EPB41L3: variants seen among roughly 807,000 people sequenced by gnomAD.
EPB41L3 encodes band 4.1-like protein 3.
A neutral mutation model predicts 127.1 loss-of-function variants in EPB41L3; 57 were observed. That is an observed-to-expected ratio of 0.45 (90% CI 0.36 to 0.56). The LOEUF is 0.56. EPB41L3 is among the 20% of genes least tolerant of loss of function. The pLI, the probability that EPB41L3 is intolerant of heterozygous loss-of-function variation, is 0.00. For synonymous variants in EPB41L3, 572 were observed against 549.5 expected (o/e 1.04, Z -0.57); for missense variants, 1,273 against 1,372.2 (o/e 0.93, Z 1.14).
chr18:5,490,622 G>A (rs2090472134), intron 1 of EPB41L3, among the ~76,000 whole-genome samples: 1 of 152,172 alleles, frequency 6.6e-6, no homozygotes, highest in East Asian at 1.9e-4. Context: ...ACAGAGAAAG[G>A]TAGTGATGCA....
chr18:5,456,415 T>C (rs917607325), intron 3 of EPB41L3, among the ~76,000 whole-genome samples: 2 of 152,198 alleles, frequency 1.3e-5, no homozygotes, highest in African/African-American at 4.8e-5. Flanking sequence ...CAGTTAAATA[T>C]GTGTTTAAAT....
intron 3 of EPB41L3, among the ~76,000 whole-genome samples, chr18:5,600,028 C>T (rs941809554): frequency 6.6e-6 from 1 of 152,158 alleles, no homozygotes; most frequent in Non-Finnish European, 1.5e-5. Context: ...GTACACTCCA[C>T]TTAGTGGCTG....
rs182751300 is a variant in EPB41L3 at position 5,611,197 on chromosome 18, A to T, written c.-306+1143T>A. 1.9e-3 allele frequency among the ~76,000 whole-genome samples: 294 copies of T among 152,360 alleles called. 1 individual carries two copies. Among genetic ancestry groups the T allele is most frequent in the African/African-American group, 6.8e-3 (282 of 41,582 alleles). The stretch of plus-strand genomic sequence containing the variant: ...GTCTCAAAGAAATATTTGCATGCAC[A>T]TGTACACAGTAGAATTATTTGTAAT... On this transcript the variant is annotated intron_variant, in intron 3 of 21. Coordinates refer to the EPB41L3 transcript ENST00000545076.
chr18:5,624,867 TGA>T, intron 1 of EPB41L3, among the ~76,000 whole-genome samples: 1 of 152,172 alleles, frequency 6.6e-6, no homozygotes, highest in African/African-American at 2.4e-5. Context: ...GAAGGAAAGA[TGA>T]GAGAGAGAGA....
At chr18:5,592,638 A>G (rs1242811956) in intron 3 of EPB41L3, among the ~76,000 whole-genome samples, 1 of 152,168 alleles carries the variant, frequency 6.6e-6, no homozygotes, top group Admixed American at 6.5e-5. Flanking sequence ...TGAGCAGCAA[A>G]TATGGAGCCA....
rs111767708 is a variant in EPB41L3, at chr18:5,413,917, A to G, written c.2067+1901T>C. 7.0e-3 allele frequency among the ~76,000 whole-genome samples: 1,068 copies of G among 152,352 alleles called. 15 individuals are homozygous for G. Among genetic ancestry groups the G allele is most frequent in the African/African-American group, 0.024 (999 of 41,576 alleles). ...TTAACTGCTGTGATTTGTTTTGCCA[A>G]TGTAATGCAGACATGCCCAAGTTTA... is the stretch of plus-strand genomic sequence containing the variant. On this transcript the variant is annotated intron_variant, in intron 13 of 22. Transcript: ENST00000341928.
intron 3 of EPB41L3, among the ~76,000 whole-genome samples, chr18:5,445,960 T>C (rs2081415434): frequency 6.6e-6 from 1 of 152,112 alleles, no homozygotes; most frequent in Admixed American, 6.5e-5. Context: ...AAAATGGTCT[T>C]CCATGAAACT....
At chr18:5,572,906 A>G (rs2149259423) in intron 3 of EPB41L3, among the ~76,000 whole-genome samples, 1 of 152,300 alleles carries the variant, frequency 6.6e-6, no homozygotes, top group East Asian at 1.9e-4. Context: ...GGTGGAAAGA[A>G]GGACACCCAT....
intron 1 of EPB41L3, among the ~76,000 whole-genome samples, chr18:5,535,320 T>C (rs1301769257): frequency 6.6e-6 from 1 of 152,134 alleles, no homozygotes; most frequent in Admixed American, 6.5e-5. Context: ...TGTTCTACAA[T>C]ATAACTCCCC....
chr18:5,516,991 G>A (rs2092775906), intron 1 of EPB41L3, among the ~76,000 whole-genome samples: 1 of 152,118 alleles, frequency 6.6e-6, no homozygotes, highest in African/African-American at 2.4e-5. Flanking sequence ...TATCTTAGTC[G>A]AGTCTCACAG....
At chr18:5,474,564 A>G (rs1430522454) in intron 3 of EPB41L3, among the ~76,000 whole-genome samples, 1 of 152,162 alleles carries the variant, frequency 6.6e-6, no homozygotes, top group Non-Finnish European at 1.5e-5. Flanking sequence ...AATGATTTTA[A>G]GTTGACGTGA....
At chr18:5,442,296 CAATT>C (rs1255356192) in intron 5 of EPB41L3, among the ~76,000 whole-genome samples, 1 of 152,172 alleles carries the variant, frequency 6.6e-6, no homozygotes, top group East Asian at 1.9e-4. Context: ...GTTTCCATCT[CAATT>C]AACTGTTTCT....
intron 3 of EPB41L3, chr18:5,466,450 A>G (rs1313443809): frequency 6.6e-6 from 1 of 152,136 alleles, no homozygotes; most frequent in Non-Finnish European, 1.5e-5. Flanking sequence ...CTTAGTAAAT[A>G]TTTCATCATG....
chr18:5,544,970 ATAAAT>A (rs1270743018), upstream of EPB41L3, among the ~76,000 whole-genome samples: 2 of 152,272 alleles, frequency 1.3e-5, no homozygotes, highest in African/African-American at 2.4e-5. Context: ...AATTTTTAAA[ATAAAT>A]TGTATGTATA....
chr18:5,515,194 G>A lies in EPB41L3; in HGVS notation c.-11-26000C>T, dbSNP rs1213425187. Among the ~76,000 whole-genome samples, 6 of 152,196 alleles carry A rather than the reference G, an allele frequency of 3.9e-5. No homozygotes were observed. In the East Asian group the frequency reaches 1.2e-3, roughly 29 times the overall value. ...CCTAACACTTTCTGTAATTCCTAAG[G>A]GGCTTCCCAGTCTATAATTAGACTC... On this transcript the variant is annotated intron_variant, in intron 1 of 22. Coordinates refer to ENST00000341928, the MANE Select transcript of EPB41L3 (RefSeq NM_012307.5).
At chr18:5,404,258 C>CTG (rs1567999901) in intron 16 of EPB41L3, among the ~76,000 whole-genome samples, 1 of 152,162 alleles carries the variant, frequency 6.6e-6, no homozygotes, top group Non-Finnish European at 1.5e-5. Context: ...TTAATCAGCC[C>CTG]TGTTTCTAAC....
intron 3 of EPB41L3, among the ~76,000 whole-genome samples, chr18:5,448,050 C>A (rs2081768044): frequency 6.6e-6 from 1 of 152,198 alleles, no homozygotes; most frequent in Non-Finnish European, 1.5e-5. Flanking sequence ...CACCAGCCAG[C>A]TGGATGACTA....
chr18:5,426,631 C>T (rs2078224588), intron 9 of EPB41L3, among the ~76,000 whole-genome samples: 1 of 152,220 alleles, frequency 6.6e-6, no homozygotes, highest in Admixed American at 6.5e-5. Flanking sequence ...TTCTCTAGCT[C>T]TCCCCTCTGG....
At chr18:5,512,051 T>C (rs1467337516) in intron 1 of EPB41L3, among the ~76,000 whole-genome samples, 1 of 152,142 alleles carries the variant, frequency 6.6e-6, no homozygotes, top group African/African-American at 2.4e-5. Flanking sequence ...AGGTATGGAT[T>C]TGGAAGAAGA....
Sources: allele counts gnomAD v4.1 joint callset (sites outside exome capture counted in the v4.1 genomes callset), GRCh38; gene constraint gnomAD v4.1.1; transcripts MANE v1.5; gene names NCBI Gene and HGNC (gene_info 2026-07-23, HGNC 2026-07-21).